CPNE4: variants seen among roughly 807,000 people sequenced by gnomAD.
CPNE4 encodes the protein copine-4.
CPNE4 carries 25 observed loss-of-function variants against 67.9 expected under a neutral mutation model. That is an observed-to-expected ratio of 0.37 (90% CI 0.27 to 0.51). CPNE4 has a LOEUF of 0.51. Ranked by LOEUF, CPNE4 falls within the 20% of genes least tolerant of loss-of-function variation. CPNE4 has a pLI of 0.93. For synonymous variants in CPNE4, 242 were observed against 244.9 expected (o/e 0.99, Z 0.11); for missense variants, 464 against 690.8 (o/e 0.67, Z 3.68).
At position 131,930,052 on chromosome 3, in the gene CPNE4, C is replaced by T. The variant is rs71315626; in HGVS notation, c.-1-24608G>A. 7.8e-3 allele frequency among the ~76,000 whole-genome samples: 1,188 copies of T among 152,204 alleles called. 9 individuals carry two copies. Among genetic ancestry groups the T allele is most frequent in the Non-Finnish European group, 0.014 (922 of 68,004 alleles). On this transcript the variant is annotated intron_variant, in intron 1 of 15. Coordinates refer to ENST00000429747, the MANE Select transcript of CPNE4 (RefSeq NM_130808.3). Reference sequence around the variant, plus strand: ...TAAGATGCATCCCCTGGAGGTCTTGCCAGCAGCGAGTGACTTCATTTAATT... The same window carrying T: ...TAAGATGCATCCCCTGGAGGTCTTGTCAGCAGCGAGTGACTTCATTTAATT...
At chr3:131,759,801 T>C (rs2082844530) in intron 2 of CPNE4, among the ~76,000 whole-genome samples, 1 of 152,180 alleles carries the variant, frequency 6.6e-6, no homozygotes. Context: ...ATTAGCATAA[T>C]GAGAAATGAG....
In CPNE4 at chr3:131,569,187, A is replaced by T. The variant is rs557290947; in HGVS notation, c.928-4838T>A. Among the ~76,000 whole-genome samples the T allele has an allele frequency of 5.3e-5, 8 of 152,170 alleles. No homozygotes were observed. In the East Asian group the frequency reaches 1.4e-3, roughly 26 times the overall value. On this transcript the variant is annotated intron_variant, in intron 10 of 15. Transcript: ENST00000429747. ...CCATTGTACCCTGGCTTTGCATAGG[A>T]ATTCAGTAAGCAGGGCTCACTAAGC...
At chr3:131,945,787 A>C (rs1365887366) in intron 1 of CPNE4, among the ~76,000 whole-genome samples, 1 of 152,212 alleles carries the variant, frequency 6.6e-6, no homozygotes, top group African/African-American at 2.4e-5. Context: ...CACATAGAGA[A>C]TATGATACAC....
intron 3 of CPNE4, among the ~76,000 whole-genome samples, chr3:131,704,484 G>C (rs943318637): frequency 6.6e-6 from 1 of 152,156 alleles, no homozygotes; most frequent in Non-Finnish European, 1.5e-5. Context: ...TCTCCCAGTG[G>C]TGATTTGTTA....
chr3:131,655,590 G>A (rs562770410), intron 7 of CPNE4, among the ~76,000 whole-genome samples: 1 of 152,278 alleles, frequency 6.6e-6, no homozygotes, highest in South Asian at 2.1e-4. Flanking sequence ...AATAAAGCAT[G>A]CCGTGTGGTC....
At chr3:132,017,975 C>T (rs1237372966) in intron 1 of CPNE4, among the ~76,000 whole-genome samples, 1 of 152,060 alleles carries the variant, frequency 6.6e-6, no homozygotes, top group Non-Finnish European at 1.5e-5. Flanking sequence ...CTCCACCCAC[C>T]CCTAAAGACC....
In CPNE4 at chr3:131,885,019, C is replaced by T. The variant is rs371134608; in HGVS notation, c.180+20245G>A. Among the ~76,000 whole-genome samples, 14 of 152,198 alleles carry T rather than the reference C, an allele frequency of 9.2e-5. 1 individual carries two copies. The highest frequency in any genetic ancestry group is 3.4e-4 in the African/African-American group (14 of 41,516). On this transcript the variant is annotated intron_variant, in intron 2 of 15. Transcript: ENST00000429747. ...GAAAAGATACCCAAAAATATGGAAG[C>T]AACTTTGGAACTGGGTAACAGGCAG...
At chr3:131,931,977 A>G (rs1373239744) in intron 1 of CPNE4, among the ~76,000 whole-genome samples, 3 of 152,206 alleles carry the variant, frequency 2.0e-5, no homozygotes, top group Admixed American at 6.5e-5. Context: ...TGGTACCATG[A>G]TACAAGTGAA....
At chr3:131,656,717 C>G (rs2079979646) in intron 7 of CPNE4, among the ~76,000 whole-genome samples, 4 of 152,156 alleles carry the variant, frequency 2.6e-5, no homozygotes. Context: ...AAACTATAAA[C>G]ATGTAAACAA....
At chr3:131,766,017 G>C (rs1219902984) in intron 2 of CPNE4, among the ~76,000 whole-genome samples, 2 of 152,106 alleles carry the variant, frequency 1.3e-5, no homozygotes. Flanking sequence ...GGTGGGCCTT[G>C]AAATTGATAG....
intron 1 of CPNE4, among the ~76,000 whole-genome samples, chr3:131,934,768 A>T (rs1356461047): frequency 2.0e-5 from 3 of 152,188 alleles, no homozygotes; most frequent in African/African-American, 7.2e-5. Flanking sequence ...AAGCTGTGGG[A>T]GCTAGAGGGA....
intron 9 of CPNE4, among the ~76,000 whole-genome samples, chr3:131,580,128 C>T (rs1265956151): frequency 6.6e-6 from 1 of 152,092 alleles, no homozygotes; most frequent in Non-Finnish European, 1.5e-5. Context: ...AGTCAGCAAC[C>T]ATCAATATCC....
chr3:131,879,077 A>T (rs188830175), intron 2 of CPNE4, among the ~76,000 whole-genome samples: 48 of 152,318 alleles, frequency 3.2e-4, no homozygotes, highest in Non-Finnish European at 6.0e-4. Context: ...AAGCCTACTA[A>T]CTTAACTATT....
intron 7 of CPNE4, among the ~76,000 whole-genome samples, chr3:131,608,515 A>G (rs1939639321): frequency 6.6e-6 from 1 of 152,126 alleles, no homozygotes; most frequent in Non-Finnish European, 1.5e-5. Flanking sequence ...ATGCACTGAG[A>G]TATGAGAACC....
chr3:131,580,948 C>T (rs113911853), intron 9 of CPNE4, among the ~76,000 whole-genome samples: 3,805 of 151,918 alleles, frequency 0.025, 84 homozygotes, highest in African/African-American at 0.064. Context: ...CTGAGGCAGG[C>T]GGATCATGAG....
chr3:131,693,998 T>G (rs1424702755), intron 5 of CPNE4, among the ~76,000 whole-genome samples: 5 of 152,160 alleles, frequency 3.3e-5, no homozygotes. Context: ...ATAAGGCAGT[T>G]GGATTAGACA....
At position 131,909,749 on chromosome 3, in the gene CPNE4, G is replaced by C. The variant is rs146731864; in HGVS notation, c.-1-4305C>G. The stretch of plus-strand genomic sequence containing the variant: ...GCCCAAGATAATTAAAAATTATCAA[G>C]GCTTCTTGAAATATGGATTGATACA... On this transcript the variant is annotated intron_variant, in intron 1 of 15. Transcript: ENST00000429747. Among the ~76,000 whole-genome samples, 542 of 152,126 alleles carry C rather than the reference G, an allele frequency of 3.6e-3. 4 individuals carry two copies. Among genetic ancestry groups the C allele is most frequent in the African/African-American group, 0.012 (518 of 41,516 alleles).
intron 2 of CPNE4, among the ~76,000 whole-genome samples, chr3:131,736,955 G>C (rs1327262995): frequency 9.2e-5 from 14 of 152,010 alleles, no homozygotes; most frequent in Admixed American, 9.2e-4. Context: ...CACTTGGGTT[G>C]AATGAATCAT....
intron 2 of CPNE4, among the ~76,000 whole-genome samples, chr3:131,805,257 T>A (rs1243748433): frequency 1.3e-5 from 2 of 152,198 alleles, no homozygotes; most frequent in Non-Finnish European, 2.9e-5. Context: ...GGATAGCTAG[T>A]GTAAAGTACA....
Sources: gnomAD v4.1 joint callset for allele counts (sites outside exome capture counted in the v4.1 genomes callset) on GRCh38, gnomAD v4.1.1 for gene constraint, MANE v1.5 for transcripts, NCBI Gene and HGNC (gene_info 2026-07-23, HGNC 2026-07-21) for gene names.